CSMD2: variants seen among roughly 807,000 people sequenced by gnomAD.
CSMD2 encodes the protein CUB and sushi domain-containing protein 2.
In CSMD2, 130 loss-of-function variants were observed where a neutral mutation model predicts 398.5. The ratio of observed to expected loss-of-function variants is 0.33; its 90% CI spans 0.28 to 0.38. The LOEUF is 0.38. Among genes scored for constraint, CSMD2 ranks in the 10% least tolerant of loss-of-function variants. The probability of loss-of-function intolerance (pLI) is 1.00; values close to 1 mark genes in which losing one functional copy is unlikely to be tolerated. For synonymous variants in CSMD2, 1,828 were observed against 1,908.5 expected (o/e 0.96, Z 1.10); for missense variants, 3,829 against 4,764.9 (o/e 0.80, Z 5.78).
At chr1:33,617,681 G>A in intron 37 of CSMD2, 64 bp from the exon 38 acceptor site, 2 of 1,270,740 alleles carry the variant, frequency 1.6e-6, no homozygotes, top group Non-Finnish European at 2.3e-6. Context: ...CGTGGCGGTA[G>A]GCTGGGGTGA....
At chr1:33,780,572 T>C (rs950686550) in intron 12 of CSMD2, among the ~76,000 whole-genome samples, 1 of 152,232 alleles carries the variant, frequency 6.6e-6, no homozygotes, top group Non-Finnish European at 1.5e-5. Context: ...CTGTCTGCAT[T>C]AGCCCCAAAC....
At chr1:33,669,135 A>T (rs995436918) in intron 25 of CSMD2, among the ~76,000 whole-genome samples, 7 of 152,244 alleles carry the variant, frequency 4.6e-5, no homozygotes, top group Admixed American at 3.9e-4. Context: ...AGAGGCAACT[A>T]GCAAGGGTCA....
chr1:33,554,974 C>A (rs1570716649), intron 55 of CSMD2, among the ~76,000 whole-genome samples: 1 of 152,110 alleles, frequency 6.6e-6, no homozygotes, highest in African/African-American at 2.4e-5. Flanking sequence ...ACTTTCAAGT[C>A]TTATTATGTA....
rs748983634 is a variant in CSMD2 at position 33,546,151 on chromosome 1, C to T, written c.8986G>A (p.Asp2996Asn). The T allele has an allele frequency of 1.2e-6, 2 of 1,614,214 alleles. No homozygotes were observed. The highest frequency in any genetic ancestry group is 1.7e-5 in the Admixed American group (1 of 60,028). Reference protein sequence around the residue: ...AHGIRLGDSFDPGTVMRFSCE... With the variant: ...AHGIRLGDSFNPGTVMRFSCE... Reference sequence around the variant, plus strand: ...CTGAAGCGCATCACAGTGCCTGGATCAAAGCTGTCCCCCAAACGGATGCCA... The same window carrying T: ...CTGAAGCGCATCACAGTGCCTGGATTAAAGCTGTCCCCCAAACGGATGCCA... Residue 2996 changes from aspartate (D) to asparagine (N), a missense_variant, in exon 57 of 71, where the codon GAT (aspartate) becomes AAT (asparagine). Transcript: ENST00000373381.
At chr1:34,045,737 G>A (rs1652447570) in intron 2 of CSMD2, among the ~76,000 whole-genome samples, 1 of 152,280 alleles carries the variant, frequency 6.6e-6, no homozygotes, top group South Asian at 2.1e-4. Flanking sequence ...GAAGCACTAC[G>A]TTCAGAATGC....
chr1:33,548,534 C>T (rs12751162), intron 56 of CSMD2, among the ~76,000 whole-genome samples: 1 of 152,028 alleles, frequency 6.6e-6, no homozygotes, highest in African/African-American at 2.4e-5. Context: ...ACTGCTTGCA[C>T]ACAATGAGAC....
intron 7 of CSMD2, among the ~76,000 whole-genome samples, chr1:33,825,192 C>T (rs1658652790): frequency 1.3e-5 from 2 of 152,140 alleles, no homozygotes; most frequent in African/African-American, 2.4e-5. Flanking sequence ...CAGGACCCAC[C>T]CCCACACTTC....
chr1:33,811,132 C>T (rs1656823447), intron 9 of CSMD2, among the ~76,000 whole-genome samples: 1 of 152,110 alleles, frequency 6.6e-6, no homozygotes, highest in South Asian at 2.1e-4. Flanking sequence ...TACCCCCACA[C>T]CCCGACTCCA....
At chr1:33,669,787 G>A (rs1332078116) in intron 25 of CSMD2, among the ~76,000 whole-genome samples, 2 of 152,152 alleles carry the variant, frequency 1.3e-5, no homozygotes, top group African/African-American at 2.4e-5. Context: ...GACTGATATC[G>A]TAAGAGAAAA....
At chr1:33,864,366 A>G (rs1319677756) in intron 5 of CSMD2, 3 of 1,614,106 alleles carry the variant, frequency 1.9e-6, no homozygotes, top group East Asian at 4.5e-5. Context: ...TGAAAAGGCC[A>G]AATATGAAGC....
intron 1 of CSMD2, among the ~76,000 whole-genome samples, chr1:34,145,742 C>T (rs1377210741): frequency 6.6e-6 from 1 of 152,138 alleles, no homozygotes; most frequent in Non-Finnish European, 1.5e-5. Context: ...TTTCCCCTCC[C>T]CATGGCAGTC....
chr1:33,546,568 C>T (rs1254548641), intron 56 of CSMD2, among the ~76,000 whole-genome samples: 1 of 152,146 alleles, frequency 6.6e-6, no homozygotes, highest in African/African-American at 2.4e-5. Context: ...ATTCTGTAGT[C>T]CCATCTCCTC....
intron 1 of CSMD2, among the ~76,000 whole-genome samples, chr1:34,093,015 A>C (rs2148382354): frequency 6.6e-6 from 1 of 152,308 alleles, no homozygotes; most frequent in East Asian, 1.9e-4. Flanking sequence ...CCTGTCTGAC[A>C]GCTTTGAAGA....
chr1:33,650,099 T>C (rs1052180228), intron 28 of CSMD2, among the ~76,000 whole-genome samples: 1 of 152,216 alleles, frequency 6.6e-6, no homozygotes, highest in Admixed American at 6.5e-5. Context: ...TGGTCACAAA[T>C]GATGGCATCA....
At chr1:33,760,800 G>C (rs1649730588) in intron 13 of CSMD2, among the ~76,000 whole-genome samples, 1 of 152,064 alleles carries the variant, frequency 6.6e-6, no homozygotes. Context: ...CTCTGCTGCT[G>C]ATGGCTGTCT....
At chr1:33,520,094 G>A (rs1654130084) in intron 68 of CSMD2, 144 bp from the exon 69 acceptor site, 4 of 870,608 alleles carry the variant, frequency 4.6e-6, no homozygotes, top group Non-Finnish European at 3.5e-6. Flanking sequence ...AGGCAGGTGT[G>A]CCCAGGGCTG....
Position 33,724,110 on chromosome 1 carries a change from G to T in CSMD2, c.3001+87C>A, listed in dbSNP as rs1200626719. 4.6e-6 allele frequency: 4 copies of T among 869,972 alleles called. No homozygotes were observed. In the East Asian group the frequency reaches 7.2e-5, roughly 16 times the overall value. The allele number at this position is 869,972 out of a possible 1,614,324, so 53.9% of individuals were successfully genotyped here. On this transcript the variant is annotated intron_variant, in intron 19 of 70. Coordinates refer to ENST00000373381, the MANE Select transcript of CSMD2 (RefSeq NM_001281956.2). ...AAGCCCAGAGGTCACTATCTAGGGA[G>T]ATCCCCATTGAGGTCAACTTGACCT...
At chr1:33,909,657 A>G (rs1311245580) in intron 5 of CSMD2, among the ~76,000 whole-genome samples, 2 of 152,130 alleles carry the variant, frequency 1.3e-5, no homozygotes, top group Non-Finnish European at 2.9e-5. Context: ...GATGACAGTG[A>G]CCATAATGAA....
chr1:34,025,164 C>T (rs988499897), intron 3 of CSMD2, among the ~76,000 whole-genome samples: 2 of 152,202 alleles, frequency 1.3e-5, no homozygotes, highest in African/African-American at 4.8e-5. Context: ...CCATCCCTCA[C>T]AGATGAGTCT....
Sources: gnomAD v4.1 joint callset for allele counts (sites outside exome capture counted in the v4.1 genomes callset) on GRCh38, gnomAD v4.1.1 for gene constraint, MANE v1.5 for transcripts, NCBI Gene and HGNC (gene_info 2026-07-23, HGNC 2026-07-21) for gene names.